The following SFXN2 variants were observed in gnomAD, a reference collection of about 807,000 sequenced individuals.
SFXN2 encodes the protein sideroflexin-2.
A neutral mutation model predicts 41.9 loss-of-function variants in SFXN2; 37 were observed. That is an observed-to-expected ratio of 0.88 (90% confidence interval 0.68 to 1.16). SFXN2 has a LOEUF of 1.16. SFXN2 is among the 50% of genes most tolerant of loss of function. The pLI is 0.00. For synonymous variants in SFXN2, 150 were observed against 156.7 expected (o/e 0.96, Z 0.32); for missense variants, 386 against 425.2 (o/e 0.91, Z 0.81).
chr10:102,721,859 GCTT>G (rs146783440), intron 1 of SFXN2, among the ~76,000 whole-genome samples: 6,422 of 152,078 alleles, frequency 0.042, 452 homozygotes, highest in African/African-American at 0.15. Context: ...TACTGATTCT[GCTT>G]CTCTGGTTGA....
rs2064733300 is a variant in SFXN2 at position 102,733,562 on chromosome 10, G to C, written c.780G>C (p.Lys260Asn). The change falls in exon 10 of 12, where the codon AAG becomes AAC. Residue 260 changes from lysine (K) to asparagine (N), a missense_variant. Physicochemically the swap from Lys to Asn is moderately conservative, Grantham distance 94. Coordinates refer to ENST00000369893, the MANE Select transcript of SFXN2 (RefSeq NM_178858.6). The stretch of plus-strand genomic sequence containing the variant: ...TATTTGTTTTTATACAGAAAGTCAA[G>C]GTCCTGCACGCCCCATTGCAGGTCA... ...LEKLHFMQKV[K>N]VLHAPLQVML... 8 of 1,613,680 alleles carry C rather than the reference G, an allele frequency of 5.0e-6. No individual in the cohort carries two copies. The South Asian group carries it at 8.8e-5, about 18-fold the overall frequency.
chr10:102,721,324 G>A (rs551050042), intron 1 of SFXN2, among the ~76,000 whole-genome samples: 20 of 151,744 alleles, frequency 1.3e-4, no homozygotes, highest in Admixed American at 4.0e-4. Flanking sequence ...AGATTACAGT[G>A]AGCTATGATT....
rs2064675741 is a variant in SFXN2, at chr10:102,729,873, A to C, written c.593+65A>C. The C allele has an allele frequency of 3.2e-6, 5 of 1,570,452 alleles. No homozygotes were observed. The Admixed American group carries it at 8.4e-5, about 26-fold the overall frequency. On this transcript the variant is annotated intron_variant, in intron 6 of 11. Coordinates refer to ENST00000369893, the MANE Select transcript of SFXN2 (RefSeq NM_178858.6). ...TTAGCAGAAAAGGGGCAAGAAACCAAAGCAGTGGGTGGCTTCTGGGGACTG... is the reference window on the plus strand; with the variant it reads ...TTAGCAGAAAAGGGGCAAGAAACCACAGCAGTGGGTGGCTTCTGGGGACTG...
At chr10:102,729,599 G>A (rs2064668749) in intron 5 of SFXN2, 124 bp from the exon 6 acceptor site, 2 of 1,154,044 alleles carry the variant, frequency 1.7e-6, no homozygotes, top group African/African-American at 3.1e-5. Flanking sequence ...TTCCCAGACT[G>A]GGTGTCTGGA....
At position 102,734,848 on chromosome 10, in the gene SFXN2, C is replaced by T. The variant is rs1348588254; in HGVS notation, c.822-1014C>T. On this transcript the variant is annotated intron_variant, in intron 10 of 11. Transcript: ENST00000369893. The surrounding 1 kb of genome is among the most constrained non-coding windows in gnomAD (Gnocchi z 4.1). ...TTGCCTCCCAAACCCTGGTCCATGC[C>T]AGCATCGTTGGCATCCTCTGATAAC... Among the ~76,000 whole-genome samples the T allele has an allele frequency of 6.6e-6, 1 of 152,164 alleles. No homozygotes were observed. Among genetic ancestry groups the T allele is most frequent in the Non-Finnish European group, 1.5e-5 (1 of 68,036 alleles).
At chr10:102,720,653 A>G (rs1008091916) in intron 1 of SFXN2, among the ~76,000 whole-genome samples, 1 of 152,004 alleles carries the variant, frequency 6.6e-6, no homozygotes, top group Non-Finnish European at 1.5e-5. Flanking sequence ...CTTAACATGC[A>G]GAAATCAAGC....
rs995243946 is a variant in SFXN2, at chr10:102,714,699, A to T, written c.-26+18A>T. ...GGGACCAGGTAAGGGGCCTTGGGAC[A>T]ATGGCGCTCGCCCTGTCTACCTCCA... On this transcript the variant is annotated intron_variant, in intron 1 of 11. Coordinates refer to ENST00000369893, the MANE Select transcript of SFXN2 (RefSeq NM_178858.6). 1 of 195,166 alleles carries T rather than the reference A, an allele frequency of 5.1e-6. No individual in the cohort carries two copies. Among genetic ancestry groups the T allele is most frequent in the Non-Finnish European group, 1.0e-5 (1 of 97,002 alleles). 12.1% of individuals were successfully genotyped at this position (195,166 alleles called of 1,614,324 possible). A position where few individuals can be genotyped will look rare whatever the true frequency, so the allele number is the denominator to read the frequency against.
chr10:102,737,299 G>C (rs538036220), intron 11 of SFXN2, among the ~76,000 whole-genome samples: 3 of 152,278 alleles, frequency 2.0e-5, no homozygotes, highest in Admixed American at 6.5e-5. Flanking sequence ...ATCAGACTAG[G>C]GGGTGGAGGG....
chr10:102,719,806 C>G (rs2064480483), intron 1 of SFXN2, among the ~76,000 whole-genome samples: 3 of 152,120 alleles, frequency 2.0e-5, no homozygotes, highest in Admixed American at 1.3e-4. Context: ...AATTATTTAA[C>G]TTAGCTAAGG....
chr10:102,718,328 C>G (rs767531124), intron 1 of SFXN2, among the ~76,000 whole-genome samples: 1 of 152,242 alleles, frequency 6.6e-6, no homozygotes, highest in Non-Finnish European at 1.5e-5. Context: ...GCATTTTGCT[C>G]AGTCAGGCTG....
At chr10:102,732,101 C>T in intron 7 of SFXN2, 51 bp from the exon 8 acceptor site, 1 of 1,552,312 alleles carries the variant, frequency 6.4e-7, no homozygotes, top group Non-Finnish European at 8.8e-7. Context: ...TGGTGCAGCA[C>T]ATGTACACTG....
chr10:102,724,290 C>T (rs186029836), intron 1 of SFXN2, among the ~76,000 whole-genome samples: 17 of 152,350 alleles, frequency 1.1e-4, no homozygotes, highest in African/African-American at 2.2e-4. Flanking sequence ...TCTACTGACA[C>T]GTGTTCAGGC....
intron 2 of SFXN2, 42 bp downstream of exon 2, chr10:102,726,839 T>C: frequency 6.2e-7 from 1 of 1,609,538 alleles, no homozygotes; most frequent in African/African-American, 1.3e-5. Flanking sequence ...AGGGTAACAT[T>C]GATGGGGTCC....
At chr10:102,735,061 C>G (rs2064755215) in intron 10 of SFXN2, among the ~76,000 whole-genome samples, 1 of 150,406 alleles carries the variant, frequency 6.6e-6, no homozygotes, top group African/African-American at 2.5e-5. Context: ...TCCTCCCCCT[C>G]CATAGTGCCC....
Position 102,738,601 on chromosome 10 carries a change from C to T in SFXN2, c.*839C>T. ...CATGAGCCACCACACCCAGCCCGGA[C>T]AGCTTCTTTGGGAGTGCTGCTAACC... is the stretch of plus-strand genomic sequence containing the variant. On this transcript the variant is annotated 3_prime_UTR_variant, in exon 12 of 12. Transcript: ENST00000369893. The T allele has an allele frequency of 6.6e-6, 1 of 152,162 alleles. No homozygotes were observed. The highest frequency in any genetic ancestry group is 2.1e-4 in the South Asian group (1 of 4,820). The allele number at this position is 152,162 out of a possible 1,614,324, so 9.4% of individuals were successfully genotyped here.
At chr10:102,720,435 C>T (rs1323015597) in intron 1 of SFXN2, among the ~76,000 whole-genome samples, 1 of 151,866 alleles carries the variant, frequency 6.6e-6, no homozygotes, top group Non-Finnish European at 1.5e-5. Flanking sequence ...TAGGGAGACC[C>T]TGTCTCTACA....
In SFXN2 at chr10:102,734,115, C is replaced by A. The variant is rs1199344595; in HGVS notation, c.821+512C>A. On this transcript the variant is annotated intron_variant, in intron 10 of 11. Coordinates refer to ENST00000369893, the MANE Select transcript of SFXN2 (RefSeq NM_178858.6). The surrounding 1 kb of genome is among the most constrained non-coding windows in gnomAD (Gnocchi z 4.1). ...GAACTCCTGACCTCAAGTGATCCACCTGCCTCGGCCTCCCAAATTGCTGGG... is the reference window on the plus strand; with the variant it reads ...GAACTCCTGACCTCAAGTGATCCACATGCCTCGGCCTCCCAAATTGCTGGG... Among the ~76,000 whole-genome samples the A allele has an allele frequency of 1.3e-5, 2 of 152,164 alleles. No homozygotes were observed. The highest frequency in any genetic ancestry group is 2.4e-5 in the African/African-American group (1 of 41,434).
rs747544040 is a variant in SFXN2 at position 102,732,137 on chromosome 10, A to G, written c.655-15A>G. ...GATACATCATTTCTGACAACTTACT[A>G]TTTTCTGCCCTCAGAGAGCTGCGGC... On this transcript the variant is annotated splice_polypyrimidine_tract_variant and intron_variant, in intron 7 of 11. Coordinates refer to ENST00000369893, the MANE Select transcript of SFXN2 (RefSeq NM_178858.6). The G allele has an allele frequency of 1.1e-5, 17 of 1,611,394 alleles. No individual in the cohort carries two copies. Among genetic ancestry groups the G allele is most frequent in the Non-Finnish European group, 1.4e-5 (16 of 1,178,620 alleles).
rs754090746 is a variant in SFXN2 at position 102,729,381 on chromosome 10, A to G, written c.494A>G (p.Asn165Ser). 12 of 1,613,992 alleles carry G rather than the reference A, an allele frequency of 7.4e-6. No homozygotes were observed. Among genetic ancestry groups the G allele is most frequent in the African/African-American group, 2.7e-5 (2 of 74,922 alleles). The change falls in exon 5 of 12, where the codon AAC becomes AGC. Residue 165 changes from asparagine (N) to serine (S), a missense_variant. Physicochemically the swap from Asn to Ser is conservative, Grantham distance 46. Coordinates refer to ENST00000369893, the MANE Select transcript of SFXN2 (RefSeq NM_178858.6). ...GCTGTGGCCACGGCTGTGGGCATGA[A>G]CATGTTGACAAAGGTATGGTCTGGG... ...TTAVATAVGM[N>S]MLTKKAPPLV...
Sources: allele counts gnomAD v4.1 joint callset (sites outside exome capture counted in the v4.1 genomes callset), GRCh38; gene constraint gnomAD v4.1.1; non-coding constraint Gnocchi (gnomAD v3.1); transcripts MANE v1.5; gene names NCBI Gene and HGNC (gene_info 2026-07-23, HGNC 2026-07-21).